AGAP1: variants seen among roughly 807,000 people sequenced by gnomAD.
AGAP1 encodes ArfGAP with GTPase domain, ankyrin repeat and PH domain 1.
Under a neutral mutation model 105.3 loss-of-function variants are expected in AGAP1, and 29 were observed. The observed-to-expected ratio is 0.28, with a 90% confidence interval of 0.21 to 0.38. The LOEUF (loss-of-function observed/expected upper bound fraction) is 0.38, where lower values mean the gene tolerates loss of function less well. Ranked by LOEUF, AGAP1 falls within the 10% of genes least tolerant of loss-of-function variation. The probability of loss-of-function intolerance (pLI) is 1.00; values close to 1 mark genes in which losing one functional copy is unlikely to be tolerated. For synonymous variants in AGAP1, 509 were observed against 485.9 expected (o/e 1.05, Z -0.63); for missense variants, 998 against 1,165.1 (o/e 0.86, Z 2.09).
rs1047190775 is a variant in AGAP1, at chr2:235,713,247, C to T, written c.222+4010C>T. Among the ~76,000 whole-genome samples the T allele has an allele frequency of 8.5e-5, 13 of 152,318 alleles. No homozygotes were observed. In the South Asian group the frequency reaches 2.7e-3, roughly 32 times the overall value. The stretch of plus-strand genomic sequence containing the variant: ...TGTTTTGGATTTTCCCAGCATGAAG[C>T]TGACATGAAGCGGGTGCCCTTGAGC... On this transcript the variant is annotated intron_variant, in intron 2 of 17. Transcript: ENST00000304032.
chr2:236,018,288 A>G (rs2056775072), intron 13 of AGAP1, among the ~76,000 whole-genome samples: 1 of 152,332 alleles, frequency 6.6e-6, no homozygotes, highest in Admixed American at 6.5e-5. Flanking sequence ...CCAAGGGAGA[A>G]TAAGATCTAA....
At chr2:236,112,630 G>A (rs1031602779) in intron 16 of AGAP1, among the ~76,000 whole-genome samples, 5 of 152,138 alleles carry the variant, frequency 3.3e-5, no homozygotes, top group East Asian at 1.9e-4. Context: ...GTTGTATGAC[G>A]CTGGGCAAAC....
Position 235,752,104 on chromosome 2 carries a change from T to C in AGAP1, c.673+1616T>C, listed in dbSNP as rs959641545. 6.6e-6 allele frequency among the ~76,000 whole-genome samples: 1 copy of C among 152,184 alleles called. No individual in the cohort carries two copies. Among genetic ancestry groups the C allele is most frequent in the Non-Finnish European group, 1.5e-5 (1 of 68,016 alleles). On this transcript the variant is annotated intron_variant, in intron 6 of 17. Coordinates refer to ENST00000304032, the MANE Select transcript of AGAP1 (RefSeq NM_001037131.3). This position sits in a 1 kb window ranked among gnomAD's most constrained non-coding sequence, Gnocchi z 4.3. Reference sequence around the variant, plus strand: ...GCTGCGCTGCCGAGGCCCCTGTGAATGTTGAAGTAAAGCGTCGTAGATGAA... The same window carrying C: ...GCTGCGCTGCCGAGGCCCCTGTGAACGTTGAAGTAAAGCGTCGTAGATGAA...
At chr2:235,670,695 C>T (rs990590310) in intron 1 of AGAP1, 3 of 724,126 alleles carry the variant, frequency 4.1e-6, no homozygotes, top group South Asian at 1.5e-5. Flanking sequence ...GAGCCCGCGA[C>T]CGCCACGCAG....
chr2:236,086,695 A>T (rs1004175959), intron 16 of AGAP1, among the ~76,000 whole-genome samples: 4 of 152,174 alleles, frequency 2.6e-5, no homozygotes, highest in African/African-American at 9.7e-5. Flanking sequence ...GCCATTTTTA[A>T]TAGAGCCGCT....
chr2:236,055,740 G>A lies in AGAP1; in HGVS notation c.2114+6459G>A, dbSNP rs188440367. On this transcript the variant is annotated intron_variant, in intron 16 of 17. Transcript: ENST00000304032. The surrounding 1 kb of genome is among the most constrained non-coding windows in gnomAD (Gnocchi z 6.2). The stretch of plus-strand genomic sequence containing the variant: ...CTACCAATAAAGTTTATACATCCTC[G>A]GCTATGCAAACGCAACAGCTGCTCA... 3.3e-5 allele frequency among the ~76,000 whole-genome samples: 5 copies of A among 152,306 alleles called. No individual in the cohort carries two copies. Among genetic ancestry groups the A allele is most frequent in the South Asian group, 2.1e-4 (1 of 4,820 alleles).
At chr2:235,651,471 A>G (rs1186838497) in intron 1 of AGAP1, among the ~76,000 whole-genome samples, 5 of 152,342 alleles carry the variant, frequency 3.3e-5, no homozygotes, top group African/African-American at 1.2e-4. Flanking sequence ...AACAGCCCAT[A>G]CAAATAGATT....
At chr2:235,525,931 A>G in intron 1 of AGAP1, among the ~76,000 whole-genome samples, 1 of 109,030 alleles carries the variant, frequency 9.2e-6, no homozygotes, top group Non-Finnish European at 1.9e-5. Context: ...AAAGTAGAGG[A>G]CTGATTTATA....
rs185561630 is a variant in AGAP1, at chr2:235,753,760, C to T, written c.673+3272C>T. Among the ~76,000 whole-genome samples the T allele has an allele frequency of 6.6e-6, 1 of 151,574 alleles. No homozygotes were observed. Reference sequence around the variant, plus strand: ...ATTTGAAAAGCAAATACCTGTGAAGCTACAACTTCCGTGACTATTGCGATT... The same window carrying T: ...ATTTGAAAAGCAAATACCTGTGAAGTTACAACTTCCGTGACTATTGCGATT... On this transcript the variant is annotated intron_variant, in intron 6 of 17. Coordinates refer to ENST00000304032, the MANE Select transcript of AGAP1 (RefSeq NM_001037131.3). The surrounding 1 kb of genome is among the most constrained non-coding windows in gnomAD (Gnocchi z 4.5).
chr2:235,675,098 A>C (rs960812022), intron 1 of AGAP1, among the ~76,000 whole-genome samples: 1 of 152,050 alleles, frequency 6.6e-6, no homozygotes, highest in African/African-American at 2.4e-5. Context: ...AAATGAAATA[A>C]AATTACTGAA....
chr2:235,876,230 T>G (rs2049719878), intron 9 of AGAP1, among the ~76,000 whole-genome samples: 1 of 152,240 alleles, frequency 6.6e-6, no homozygotes, highest in African/African-American at 2.4e-5. Context: ...ATTTATGTAC[T>G]TTTAGAAATA....
Position 236,092,955 on chromosome 2 carries a change from C to CATCTA in AGAP1, c.2115-27236_2115-27235insTCTAA, listed in dbSNP as rs2059101754. 6.6e-6 allele frequency among the ~76,000 whole-genome samples: 1 copy of CATCTA among 152,178 alleles called. No homozygotes were observed. Among genetic ancestry groups the CATCTA allele is most frequent in the Non-Finnish European group, 1.5e-5 (1 of 68,040 alleles). On this transcript the variant is annotated intron_variant, in intron 16 of 17. Transcript: ENST00000304032. The surrounding 1 kb of genome is among the most constrained non-coding windows in gnomAD (Gnocchi z 4.7). ...GAGCGGCTCCAGGCCTCCCACTGGC[C>CATCTA]AAATCTGGAACAATTGAAGCATCTA... is the stretch of plus-strand genomic sequence containing the variant.
At chr2:236,032,343 C>T (rs1341352755) in intron 13 of AGAP1, among the ~76,000 whole-genome samples, 1 of 152,216 alleles carries the variant, frequency 6.6e-6, no homozygotes, top group Non-Finnish European at 1.5e-5. Context: ...CTATTCACAT[C>T]TCTTTCATTC....
At position 235,719,918 on chromosome 2, in the gene AGAP1, T is replaced by G. The variant is rs3768964; in HGVS notation, c.310+2274T>G. ...TACATGGCTCCTTGTGCCTGGAAGC[T>G]TCTTAGTCCTGCTGAATTCATGCTT... On this transcript the variant is annotated intron_variant, in intron 3 of 17. Transcript: ENST00000304032. The surrounding 1 kb of genome is among the most constrained non-coding windows in gnomAD (Gnocchi z 4.9). 6.6e-6 allele frequency among the ~76,000 whole-genome samples: 1 copy of G among 152,158 alleles called. No homozygotes were observed. Among genetic ancestry groups the G allele is most frequent in the Admixed American group, 6.5e-5 (1 of 15,284 alleles).
chr2:235,579,340 T>C (rs565889982), intron 1 of AGAP1, among the ~76,000 whole-genome samples: 1 of 152,328 alleles, frequency 6.6e-6, no homozygotes, highest in African/African-American at 2.4e-5. Context: ...TCTCCAGCCT[T>C]TTTGTTAAAA....
At chr2:236,099,096 C>G (rs1483731618) in intron 16 of AGAP1, among the ~76,000 whole-genome samples, 1 of 151,982 alleles carries the variant, frequency 6.6e-6, no homozygotes, top group Non-Finnish European at 1.5e-5. Context: ...CAAGGAGGGA[C>G]AGGGTGGGCC....
intron 5 of AGAP1, among the ~76,000 whole-genome samples, chr2:235,749,426 A>T (rs1303151659): frequency 6.6e-6 from 1 of 151,614 alleles, no homozygotes; most frequent in Non-Finnish European, 1.5e-5. Flanking sequence ...TGGTGCCGAC[A>T]TCCCTGTGCA....
intron 9 of AGAP1, among the ~76,000 whole-genome samples, chr2:235,817,685 G>A (rs1259282541): frequency 6.6e-6 from 1 of 152,180 alleles, no homozygotes; most frequent in Non-Finnish European, 1.5e-5. Flanking sequence ...GTGGCCAGGA[G>A]TTCAAAACCA....
Position 235,612,997 on chromosome 2 carries a change from G to GT in AGAP1, c.164-96181dup, listed in dbSNP as rs376403756. On this transcript the variant is annotated intron_variant, in intron 1 of 17. Coordinates refer to ENST00000304032, the MANE Select transcript of AGAP1 (RefSeq NM_001037131.3). The surrounding 1 kb of genome is among the most constrained non-coding windows in gnomAD (Gnocchi z 4.3). ...TGAGGTTAGCAAATACGTATAGATT[G>GT]TAACAAGAGAATTTTGCATTTCAGT... 6.6e-6 allele frequency among the ~76,000 whole-genome samples: 1 copy of GT among 151,430 alleles called. No individual in the cohort carries two copies. The highest frequency in any genetic ancestry group is 1.9e-4 in the East Asian group (1 of 5,146).
Sources: allele counts gnomAD v4.1 joint callset (sites outside exome capture counted in the v4.1 genomes callset), GRCh38; gene constraint gnomAD v4.1.1; non-coding constraint Gnocchi (gnomAD v3.1); transcripts MANE v1.5; gene names NCBI Gene and HGNC (gene_info 2026-07-23, HGNC 2026-07-21).